TRHDE: variants seen among roughly 807,000 people sequenced by gnomAD.
The protein encoded by TRHDE is thyrotropin releasing hormone degrading enzyme, also known as thyrotropin-releasing hormone-degrading ectoenzyme.
Under a neutral mutation model 125.7 loss-of-function variants are expected in TRHDE, and 72 were observed. That is an observed-to-expected ratio of 0.57 (90% confidence interval 0.47 to 0.70). TRHDE has a LOEUF of 0.70. TRHDE is among the 30% of genes least tolerant of loss of function. TRHDE has a pLI of 0.00. For missense variants in TRHDE, 1,110 were observed against 1,327.1 expected (o/e 0.84, Z 2.54); for synonymous variants, 509 against 509.1 (o/e 1.00, Z 0.00).
chr12:72,660,155 T>C (rs560263728), intron 18 of TRHDE, among the ~76,000 whole-genome samples: 1 of 152,202 alleles, frequency 6.6e-6, no homozygotes, highest in African/African-American at 2.4e-5. Context: ...AGGCAGCATA[T>C]GTCAGCGTTT....
At chr12:72,575,061 T>C (rs1555199067) in intron 10 of TRHDE, among the ~76,000 whole-genome samples, 194 bp from the exon 11 acceptor site, 1 of 152,140 alleles carries the variant, frequency 6.6e-6, no homozygotes, top group Non-Finnish European at 1.5e-5. Context: ...ATTGAGATGA[T>C]AGTGAGTAAC....
In TRHDE at chr12:72,598,237, A is replaced by G. The variant is rs561208026; in HGVS notation, c.2322-20654A>G. On this transcript the variant is annotated intron_variant, in intron 12 of 18. Transcript: ENST00000261180. Reference sequence around the variant, plus strand: ...CATAGAATCAGTCACCTTTATTCATATTTGATTGCCTAACTTTACAGCTAA... The same window carrying G: ...CATAGAATCAGTCACCTTTATTCATGTTTGATTGCCTAACTTTACAGCTAA... Among the ~76,000 whole-genome samples, 13 of 152,288 alleles carry G rather than the reference A, an allele frequency of 8.5e-5. No homozygotes were observed. The South Asian group carries it at 2.7e-3, about 32-fold the overall frequency.
At chr12:72,320,156 G>C (rs1380462970) in intron 2 of TRHDE, among the ~76,000 whole-genome samples, 1 of 151,854 alleles carries the variant, frequency 6.6e-6, no homozygotes, top group Non-Finnish European at 1.5e-5. Context: ...TTGGAATGAG[G>C]AGTGTATATG....
chr12:72,649,655 T>A (rs1321964035), intron 15 of TRHDE, among the ~76,000 whole-genome samples: 1 of 152,018 alleles, frequency 6.6e-6, no homozygotes, highest in East Asian at 1.9e-4. Flanking sequence ...TAAGGGTTTA[T>A]CTCCAAAATA....
At chr12:72,440,444 A>G (rs948115731) in intron 3 of TRHDE, among the ~76,000 whole-genome samples, 2 of 151,920 alleles carry the variant, frequency 1.3e-5, no homozygotes, top group African/African-American at 2.4e-5. Context: ...TTAAGAATAA[A>G]TTGGCATCTG....
chr12:72,304,526 T>C (rs576468112), intron 2 of TRHDE, among the ~76,000 whole-genome samples: 108 of 152,280 alleles, frequency 7.1e-4, no homozygotes, highest in African/African-American at 2.4e-3. Flanking sequence ...TATGAATATA[T>C]AGGCCTCTCT....
chr12:72,329,769 G>C (rs573672210), intron 2 of TRHDE, among the ~76,000 whole-genome samples: 2 of 152,268 alleles, frequency 1.3e-5, no homozygotes, highest in South Asian at 4.1e-4. Context: ...TGAAATTATG[G>C]CTTATTTATC....
chr12:72,584,768 A>G (rs1320802777), intron 12 of TRHDE, among the ~76,000 whole-genome samples: 3 of 152,156 alleles, frequency 2.0e-5, no homozygotes, highest in South Asian at 2.1e-4. Context: ...CATTTTGTGT[A>G]TATACCACAT....
chr12:72,298,197 G>A (rs968257209), intron 2 of TRHDE, among the ~76,000 whole-genome samples: 5 of 152,220 alleles, frequency 3.3e-5, no homozygotes, highest in Non-Finnish European at 5.9e-5. Flanking sequence ...AGTTTGGTCA[G>A]TGTATCCATG....
intron 2 of TRHDE, among the ~76,000 whole-genome samples, chr12:72,360,554 C>A (rs983813216): frequency 1.3e-5 from 2 of 151,694 alleles, no homozygotes; most frequent in African/African-American, 4.8e-5. Flanking sequence ...CTATTTCATA[C>A]CCATTGTTTA....
At chr12:72,522,172 A>C (rs1201489818) in intron 6 of TRHDE, among the ~76,000 whole-genome samples, 1 of 152,190 alleles carries the variant, frequency 6.6e-6, no homozygotes, top group Admixed American at 6.6e-5. Flanking sequence ...GTCAGGATTC[A>C]AACACTGGCC....
intron 2 of TRHDE, among the ~76,000 whole-genome samples, chr12:72,314,666 T>C (rs1868713630): frequency 6.6e-6 from 1 of 152,148 alleles, no homozygotes; most frequent in Admixed American, 6.6e-5. Flanking sequence ...CCTTTGGACC[T>C]ACCAAGAGTC....
intron 2 of TRHDE, among the ~76,000 whole-genome samples, chr12:72,241,385 G>A (rs1248753003): frequency 6.6e-6 from 1 of 152,098 alleles, no homozygotes; most frequent in African/African-American, 2.4e-5. Context: ...TGGGTGTCAT[G>A]TAAATGGAAT....
chr12:72,393,434 C>T (rs1405021570), intron 3 of TRHDE, among the ~76,000 whole-genome samples: 1 of 152,164 alleles, frequency 6.6e-6, no homozygotes, highest in Non-Finnish European at 1.5e-5. Context: ...TGTAGTAGAG[C>T]TATCCTTGAG....
At chr12:72,185,235 C>T (rs1207156635) in intron 2 of TRHDE, among the ~76,000 whole-genome samples, 1 of 152,208 alleles carries the variant, frequency 6.6e-6, no homozygotes, top group African/African-American at 2.4e-5. Context: ...AGTGCCGGCC[C>T]ACCGGGGCTG....
intron 15 of TRHDE, among the ~76,000 whole-genome samples, chr12:72,650,176 T>C (rs1025392234): frequency 2.5e-4 from 38 of 152,122 alleles, no homozygotes; most frequent in African/African-American, 9.2e-4. Flanking sequence ...AGTGTACACA[T>C]ACAATGAAAT....
At chr12:72,400,811 T>C (rs534538859) in intron 3 of TRHDE, among the ~76,000 whole-genome samples, 2 of 152,276 alleles carry the variant, frequency 1.3e-5, no homozygotes, top group African/African-American at 4.8e-5. Flanking sequence ...TGTTGAATAA[T>C]GTTCTCTTGT....
At chr12:72,582,467 G>GT (rs1871279713) in intron 12 of TRHDE, 3 of 985,206 alleles carry the variant, frequency 3.0e-6, no homozygotes, top group Non-Finnish European at 1.2e-6. Context: ...TTTGTTAGAA[G>GT]TTTTTTTGTG....
At chr12:72,211,608 C>A (rs1209994708) in intron 2 of TRHDE, among the ~76,000 whole-genome samples, 1 of 152,064 alleles carries the variant, frequency 6.6e-6, no homozygotes, top group African/African-American at 2.4e-5. Context: ...TTATTCATCA[C>A]TATTTTGGTC....
Sources: gnomAD v4.1 joint callset for allele counts (sites outside exome capture counted in the v4.1 genomes callset) on GRCh38, gnomAD v4.1.1 for gene constraint, MANE v1.5 for transcripts, NCBI Gene and HGNC (gene_info 2026-07-23, HGNC 2026-07-21) for gene names.